SORBS2: variants seen among roughly 807,000 people sequenced by gnomAD.
SORBS2 encodes sorbin and SH3 domain containing 2, also known as sorbin and SH3 domain-containing protein 2.
In SORBS2, 46 loss-of-function variants were observed where a neutral mutation model predicts 97.7. That is an observed-to-expected ratio of 0.47 (90% CI 0.37 to 0.60). The LOEUF is 0.60. SORBS2 is among the 20% of genes least tolerant of loss of function. The probability of loss-of-function intolerance (pLI) is 0.00; values close to 1 mark genes in which losing one functional copy is unlikely to be tolerated. For synonymous variants in SORBS2, 476 were observed against 473.4 expected, an observed-to-expected ratio of 1.01 and a Z score of -0.07; for missense variants, 1,316 against 1,282.3, an observed-to-expected ratio of 1.03 and a Z score of -0.40.
At chr4:185,588,868 G>T (rs983433352) in intron 14 of SORBS2, among the ~76,000 whole-genome samples, 16 of 152,078 alleles carry the variant, frequency 1.1e-4, no homozygotes, top group African/African-American at 3.6e-4. Context: ...ACCCGCCTCG[G>T]CCTCCCAAAG....
intron 12 of SORBS2, among the ~76,000 whole-genome samples, chr4:185,610,310 T>C (rs958052023): frequency 6.6e-6 from 1 of 152,206 alleles, no homozygotes; most frequent in South Asian, 2.1e-4. Flanking sequence ...GACAAATATA[T>C]GCATGAAGAT....
At chr4:185,901,759 G>A (rs1561282783) in intron 1 of SORBS2, among the ~76,000 whole-genome samples, 2 of 152,142 alleles carry the variant, frequency 1.3e-5, no homozygotes, top group East Asian at 1.9e-4. Flanking sequence ...TGAATTACAA[G>A]CTCCTTAGCA....
chr4:185,749,332 G>C (rs541805513), intron 2 of SORBS2, among the ~76,000 whole-genome samples: 1 of 152,190 alleles, frequency 6.6e-6, no homozygotes, highest in Non-Finnish European at 1.5e-5. Flanking sequence ...GCCACCCTCT[G>C]GGAACAGCAG....
At chr4:185,676,644 T>C (rs949267215) in intron 4 of SORBS2, among the ~76,000 whole-genome samples, 2 of 152,178 alleles carry the variant, frequency 1.3e-5, no homozygotes, top group Non-Finnish European at 2.9e-5. Context: ...AGATCTAATA[T>C]GAAAAATATT....
intron 12 of SORBS2, among the ~76,000 whole-genome samples, chr4:185,594,261 A>G (rs1227139355): frequency 6.6e-6 from 1 of 152,228 alleles, no homozygotes; most frequent in East Asian, 1.9e-4. Context: ...ACGGCAAACC[A>G]CTAGAATAGG....
At chr4:185,612,030 G>T in intron 11 of SORBS2, 50 bp from the exon 24 acceptor site, 2 of 1,228,936 alleles carry the variant, frequency 1.6e-6, no homozygotes, top group Non-Finnish European at 2.4e-6. Flanking sequence ...AGAATAACAT[G>T]AAAATATAAT....
chr4:185,633,471 G>GTTT (rs56864890), intron 4 of SORBS2, among the ~76,000 whole-genome samples: 40 of 137,950 alleles, frequency 2.9e-4, no homozygotes, highest in African/African-American at 1.0e-3. Flanking sequence ...TTTATGTGTT[G>GTTT]TTTTTTTTTT....
intron 1 of SORBS2, among the ~76,000 whole-genome samples, chr4:185,946,152 G>C (rs573725049): frequency 7.2e-5 from 9 of 124,696 alleles, no homozygotes; most frequent in African/African-American, 2.7e-4. Context: ...CTCCCTCAAA[G>C]CTTGTTACCA....
exon 11 of SORBS2, chr4:185,614,878 T>C: frequency 6.2e-7 from 1 of 1,614,220 alleles, no homozygotes; most frequent in Non-Finnish European, 8.5e-7. Context: ...AAGTTGTATT[T>C]GGCTATAGCT....
At chr4:185,927,077 TATA>T (rs2099264072) in intron 1 of SORBS2, among the ~76,000 whole-genome samples, 1 of 150,438 alleles carries the variant, frequency 6.6e-6, no homozygotes, top group Non-Finnish European at 1.5e-5. Flanking sequence ...CCACATATTA[TATA>T]ATATATATTA....
At chr4:185,902,519 C>T (rs2149834747) in intron 1 of SORBS2, among the ~76,000 whole-genome samples, 1 of 152,052 alleles carries the variant, frequency 6.6e-6, no homozygotes, top group South Asian at 2.1e-4. Context: ...TGTGAAAAAT[C>T]CTTATTATGA....
intron 2 of SORBS2, among the ~76,000 whole-genome samples, chr4:185,750,209 G>A (rs1187271204): frequency 1.3e-5 from 2 of 152,196 alleles, no homozygotes; most frequent in Non-Finnish European, 2.9e-5. Flanking sequence ...TTCCTCATGG[G>A]CAAAAAGAAA....
intron 2 of SORBS2, among the ~76,000 whole-genome samples, chr4:185,701,403 A>T (rs2098260387): frequency 6.6e-6 from 1 of 152,198 alleles, no homozygotes; most frequent in Non-Finnish European, 1.5e-5. Flanking sequence ...GTCCACAGGT[A>T]GAGAATGTCT....
At chr4:185,842,903 C>T (rs2099212440) in intron 1 of SORBS2, among the ~76,000 whole-genome samples, 1 of 147,254 alleles carries the variant, frequency 6.8e-6, no homozygotes, top group African/African-American at 2.5e-5. Flanking sequence ...CCACTGTACT[C>T]CAGCCTGGCG....
intron 2 of SORBS2, among the ~76,000 whole-genome samples, chr4:185,751,663 GT>G (rs1554256442): frequency 6.6e-6 from 1 of 152,048 alleles, no homozygotes; most frequent in Non-Finnish European, 1.5e-5. Flanking sequence ...GTGTGCACAC[GT>G]ACACATGAAC....
intron 1 of SORBS2, among the ~76,000 whole-genome samples, chr4:185,791,620 C>T (rs2099080425): frequency 1.3e-5 from 2 of 151,818 alleles, no homozygotes; most frequent in African/African-American, 4.8e-5. Flanking sequence ...TTTCACCTAG[C>T]ATGTTAGGAC....
At chr4:185,793,065 CATT>C (rs1442207132) in intron 1 of SORBS2, among the ~76,000 whole-genome samples, 7 of 152,162 alleles carry the variant, frequency 4.6e-5, no homozygotes, top group African/African-American at 1.7e-4. Flanking sequence ...GAATGGTGGC[CATT>C]ATTATTATTT....
At chr4:185,873,213 T>C (rs1381270960) in intron 1 of SORBS2, among the ~76,000 whole-genome samples, 1 of 152,216 alleles carries the variant, frequency 6.6e-6, no homozygotes, top group Non-Finnish European at 1.5e-5. Context: ...ATGACTTTTA[T>C]TTTTAAACTG....
Position 185,612,097 on chromosome 4 carries a change from G to A in SORBS2, c.2596-117C>T, listed in dbSNP as rs2096547741. On this transcript the variant is annotated intron_variant, in intron 11 of 14. Transcript: ENST00000418609. ...CATTTGGGCAGGTTTTATACCTTCA[G>A]TTTTTGTTTAATCAGGGGAGGGCAA... The A allele has an allele frequency of 4.1e-6, 3 of 735,730 alleles. No homozygotes were observed. In the East Asian group the frequency reaches 8.2e-5, roughly 20 times the overall value. The allele number at this position is 735,730 out of a possible 1,614,324, so 45.6% of individuals were successfully genotyped here.
Sources: allele counts gnomAD v4.1 joint callset (sites outside exome capture counted in the v4.1 genomes callset), GRCh38; gene constraint gnomAD v4.1.1; transcripts MANE v1.5; gene names NCBI Gene and HGNC (gene_info 2026-07-23, HGNC 2026-07-21).